ZNF589: variants seen among roughly 807,000 people sequenced by gnomAD.
The protein encoded by ZNF589 is KRAB-zinc finger protein SZF1-1.
In ZNF589, 17 loss-of-function variants were observed where a neutral mutation model predicts 13.6. The observed-to-expected ratio is 1.25, with a 90% CI of 0.86 to 1.88. ZNF589 has a LOEUF of 1.88. Among genes scored for constraint, ZNF589 ranks in the 40% most tolerant of loss-of-function variants. The pLI is 0.00. For missense variants in ZNF589, 407 were observed against 434.0 expected, an observed-to-expected ratio of 0.94 and a Z score of 0.55; for synonymous variants, 148 against 161.6, an observed-to-expected ratio of 0.92 and a Z score of 0.64.
chr3:48,246,209 A>T (rs1266485421), intron 1 of ZNF589, among the ~76,000 whole-genome samples: 2 of 152,106 alleles, frequency 1.3e-5, no homozygotes, highest in Admixed American at 6.6e-5. Flanking sequence ...AGGGAAGTTG[A>T]GGTGGGAGGA....
intron 3 of ZNF589, among the ~76,000 whole-genome samples, chr3:48,266,723 C>A (rs1287498305): frequency 4.6e-5 from 7 of 152,178 alleles, no homozygotes; most frequent in Non-Finnish European, 1.5e-5. Context: ...TCCATTTTTA[C>A]TTATTACATA....
chr3:48,267,053 C>T (rs1046978120), intron 3 of ZNF589, among the ~76,000 whole-genome samples: 6 of 152,078 alleles, frequency 3.9e-5, no homozygotes, highest in Non-Finnish European at 5.9e-5. Context: ...CATAGGAAGC[C>T]TTCATTTGAG....
In ZNF589 at chr3:48,268,540, A is replaced by T; in HGVS notation, c.849A>T (p.Arg283=). 6.2e-7 allele frequency: 1 copy of T among 1,613,914 alleles called. No homozygotes were observed. The highest frequency in any genetic ancestry group is 8.5e-7 in the Non-Finnish European group (1 of 1,179,962). Residue 283 remains arginine (R), a synonymous_variant, in exon 4 of 4, where the codon CGA becomes CGT. Transcript: ENST00000354698. ...CTTATGTCTGCGGAGAGTGTGGGCG[A>T]GGCTTTATAGTTGAGTCAGTCCTCC... is the stretch of plus-strand genomic sequence containing the variant. ...EKPYVCGECG[R]GFIVESVLRN... is the part of the protein sequence containing the mutation.
Position 48,269,418 on chromosome 3 carries a change from A to G in ZNF589, c.*632A>G. On this transcript the variant is annotated 3_prime_UTR_variant, in exon 4 of 4. Coordinates refer to ENST00000354698, the MANE Select transcript of ZNF589 (RefSeq NM_016089.3). ...AAATCAACTCTCCTCGCACACGAGC[A>G]GACACATTCAGGGGAGAAGCCTTAT... The G allele has an allele frequency of 4.9e-6, 2 of 411,896 alleles. No homozygotes were observed. The highest frequency in any genetic ancestry group is 9.1e-6 in the Non-Finnish European group (2 of 220,416). The allele number at this position is 411,896 out of a possible 1,614,324, so 25.5% of individuals were successfully genotyped here.
intron 2 of ZNF589, chr3:48,256,651 A>G (rs930326287): frequency 7.1e-6 from 8 of 1,128,766 alleles, no homozygotes; most frequent in South Asian, 3.7e-5. Context: ...GCATGCCTCC[A>G]TGGGGCTGGA....
At chr3:48,248,032 G>A (rs2033790076) in intron 2 of ZNF589, among the ~76,000 whole-genome samples, 1 of 152,188 alleles carries the variant, frequency 6.6e-6, no homozygotes, top group South Asian at 2.1e-4. Context: ...GTCTGATCTT[G>A]TACATTGGAC....
At chr3:48,267,222 G>A (rs1424277749) in intron 3 of ZNF589, among the ~76,000 whole-genome samples, 1 of 152,164 alleles carries the variant, frequency 6.6e-6, no homozygotes, top group Admixed American at 6.5e-5. Context: ...TTTTCCACAA[G>A]TCGGCAAATA....
At chr3:48,243,385 A>C (rs1184088979) in intron 1 of ZNF589, among the ~76,000 whole-genome samples, 1 of 152,058 alleles carries the variant, frequency 6.6e-6, no homozygotes, top group Non-Finnish European at 1.5e-5. Flanking sequence ...TTGCCAAGCC[A>C]TTGTTCAGCA....
intron 2 of ZNF589, chr3:48,256,990 C>A (rs1373282642): frequency 1.7e-6 from 1 of 594,586 alleles, no homozygotes. Context: ...AATGTTGAAC[C>A]AGCTTTGCAG....
At chr3:48,260,556 G>A (rs1233221348) in intron 2 of ZNF589, among the ~76,000 whole-genome samples, 1 of 152,170 alleles carries the variant, frequency 6.6e-6, no homozygotes, top group Non-Finnish European at 1.5e-5. Context: ...CTACAGGCGT[G>A]TGCTACCACG....
Position 48,246,064 on chromosome 3 carries a change from G to A in ZNF589, c.44-1561G>A, listed in dbSNP as rs561692597. ...GTCGTGGGTCATGCCTATAATCCCA[G>A]CACTTTGAGAGGCCAATGTGGGCAG... On this transcript the variant is annotated intron_variant, in intron 1 of 3. Coordinates refer to ENST00000354698, the MANE Select transcript of ZNF589 (RefSeq NM_016089.3). Among the ~76,000 whole-genome samples the A allele has an allele frequency of 2.0e-5, 3 of 151,728 alleles. No individual in the cohort carries two copies. In the South Asian group the frequency reaches 6.2e-4, roughly 32 times the overall value.
intron 2 of ZNF589, among the ~76,000 whole-genome samples, chr3:48,252,255 A>G (rs939002531): frequency 2.6e-5 from 4 of 151,532 alleles, no homozygotes; most frequent in Non-Finnish European, 5.9e-5. Context: ...GCAGTGGCAT[A>G]ATCTTGGCTC....
In ZNF589 at chr3:48,268,949, G is replaced by A; in HGVS notation, c.*163G>A. On this transcript the variant is annotated 3_prime_UTR_variant, in exon 4 of 4. Transcript: ENST00000354698. ...AGAGGTGAAACCTCACGTGTGTGAG[G>A]AGTGTGGGCATGGATTTAGCCAGAA... 1 of 1,063,406 alleles carries A rather than the reference G, an allele frequency of 9.4e-7. No individual in the cohort carries two copies. The highest frequency in any genetic ancestry group is 1.4e-6 in the Non-Finnish European group (1 of 731,662). The allele number at this position is 1,063,406 out of a possible 1,614,324, so 65.9% of individuals were successfully genotyped here. A position where few individuals can be genotyped will look rare whatever the true frequency, so the allele number is the denominator to read the frequency against.
chr3:48,253,551 G>A (rs1349966111), intron 2 of ZNF589, among the ~76,000 whole-genome samples: 1 of 144,552 alleles, frequency 6.9e-6, no homozygotes, highest in African/African-American at 2.6e-5. Flanking sequence ...CCAGGCTGGA[G>A]TGCAGTGGCA....
At chr3:48,261,404 C>T (rs1454024276) in intron 3 of ZNF589, among the ~76,000 whole-genome samples, 7 of 152,070 alleles carry the variant, frequency 4.6e-5, no homozygotes, top group Non-Finnish European at 1.5e-5. Flanking sequence ...AGGAGCATAT[C>T]TAGTCCTTTG....
intron 1 of ZNF589, among the ~76,000 whole-genome samples, chr3:48,242,779 T>G (rs2033713080): frequency 6.6e-6 from 1 of 151,980 alleles, no homozygotes; most frequent in African/African-American, 2.4e-5. Context: ...GAAATTTGAA[T>G]TTTGGCTGAG....
intron 1 of ZNF589, among the ~76,000 whole-genome samples, chr3:48,245,811 G>C (rs1223113556): frequency 6.6e-6 from 1 of 152,046 alleles, no homozygotes; most frequent in Non-Finnish European, 1.5e-5. Context: ...GCCAGGCATG[G>C]TGGCAGGTGC....
At chr3:48,265,179 C>T (rs1181670065) in intron 3 of ZNF589, among the ~76,000 whole-genome samples, 2 of 151,008 alleles carry the variant, frequency 1.3e-5, no homozygotes, top group Non-Finnish European at 2.9e-5. Flanking sequence ...GCCATATTTG[C>T]CAGGCTGGTC....
chr3:48,258,464 A>G (rs1236786823), intron 2 of ZNF589, among the ~76,000 whole-genome samples: 1 of 152,178 alleles, frequency 6.6e-6, no homozygotes, highest in Non-Finnish European at 1.5e-5. Flanking sequence ...TGTCCTTGGC[A>G]AATAGGGGTA....
Sources: allele counts gnomAD v4.1 joint callset (sites outside exome capture counted in the v4.1 genomes callset), GRCh38; gene constraint gnomAD v4.1.1; transcripts MANE v1.5; gene names NCBI Gene and HGNC (gene_info 2026-07-23, HGNC 2026-07-21).